Variants in AARS1 observed in about 807,000 individuals in gnomAD.
AARS1 encodes the protein alanine--tRNA ligase, cytoplasmic.
In AARS1, 72 loss-of-function variants were observed where a neutral mutation model predicts 108.9. The observed-to-expected ratio is 0.66, with a 90% CI of 0.55 to 0.80. The LOEUF (loss-of-function observed/expected upper bound fraction) is 0.80. AARS1 is among the 30% of genes least tolerant of loss of function. The probability of loss-of-function intolerance (pLI) is 0.00; values close to 1 mark genes in which losing one functional copy is unlikely to be tolerated. For missense variants in AARS1, 1,193 were observed against 1,233.2 expected, an observed-to-expected ratio of 0.97 and a Z score of 0.49; for synonymous variants, 489 against 465.7, an observed-to-expected ratio of 1.05 and a Z score of -0.64.
At chr16:70,261,296 A>C in intron 12 of AARS1, 139 bp from the exon 13 acceptor site, 5 of 591,928 alleles carry the variant, frequency 8.4e-6, no homozygotes, top group Non-Finnish European at 1.2e-5. Context: ...CCTTAATATC[A>C]TTAAATATGA....
intron 10 of AARS1, 101 bp downstream of exon 10, chr16:70,265,437 C>T: frequency 6.4e-7 from 1 of 1,574,066 alleles, no homozygotes; most frequent in Non-Finnish European, 8.7e-7. Context: ...GGAAAAAGCA[C>T]TTCAAAGACT....
Position 70,267,805 on chromosome 16 carries a change from T to C in AARS1, c.1076A>G (p.Asp359Gly), listed in dbSNP as rs1960298879. Residue 359 changes from aspartate to glycine, a missense_variant, in exon 9 of 21, where the codon GAT (aspartate) becomes GGT (glycine). Physicochemically the swap from Asp to Gly is moderately conservative, Grantham distance 94. Transcript: ENST00000261772. ...LVDVVVQSLGDAFPELKKDPD... is the reference protein window; with the variant it reads ...LVDVVVQSLGGAFPELKKDPD... Reference sequence around the variant, plus strand: ...GTCCTTCTTCAGCTCAGGAAATGCATCTCCCTGACAAAGGGGAAGCAAGAT... The same window carrying C: ...GTCCTTCTTCAGCTCAGGAAATGCACCTCCCTGACAAAGGGGAAGCAAGAT... 3.7e-6 allele frequency: 6 copies of C among 1,614,090 alleles called. No individual in the cohort carries two copies. The highest frequency in any genetic ancestry group is 4.2e-6 in the Non-Finnish European group (5 of 1,180,028).
chr16:70,256,354 G>A (rs576438510), intron 15 of AARS1, among the ~76,000 whole-genome samples: 2 of 152,224 alleles, frequency 1.3e-5, no homozygotes, highest in Admixed American at 1.3e-4. Context: ...GTTCAGGCTG[G>A]AGTGCAATGG....
At chr16:70,260,039 C>G (rs1228742342) in intron 13 of AARS1, among the ~76,000 whole-genome samples, 1 of 152,078 alleles carries the variant, frequency 6.6e-6, no homozygotes, top group Non-Finnish European at 1.5e-5. Context: ...CCCAAAGTGC[C>G]GGGATTACAG....
At chr16:70,276,453 T>C in intron 4 of AARS1, 33 bp downstream of exon 4, 2 of 1,612,422 alleles carry the variant, frequency 1.2e-6, no homozygotes, top group South Asian at 2.2e-5. Flanking sequence ...ATTTCACTCC[T>C]CCATACTCTC....
chr16:70,282,704 C>G lies in AARS1; in HGVS notation c.60G>C (p.Arg20Ser). The G allele has an allele frequency of 1.2e-6, 2 of 1,614,078 alleles. No individual in the cohort carries two copies. Among genetic ancestry groups the G allele is most frequent in the Non-Finnish European group, 1.7e-6 (2 of 1,180,012 alleles). The change falls in exon 2 of 21, where the codon AGG (arginine) becomes AGC (serine). Residue 20 changes from arginine (R) to serine (S), a missense_variant. By Grantham distance (110) the Arg-to-Ser change is moderately radical (BLOSUM62 -1). Coordinates refer to ENST00000261772, the MANE Select transcript of AARS1 (RefSeq NM_001605.3). ...IRQRFIDFFK[R>S]NEHTYVHSSA... ...ACGAGTGAACATACGTATGCTCGTTCCTCTTGAAGAAATCTATAAATCGCT... is the reference window on the plus strand; with the variant it reads ...ACGAGTGAACATACGTATGCTCGTTGCTCTTGAAGAAATCTATAAATCGCT...
At position 70,255,847 on chromosome 16, in the gene AARS1, G is replaced by A. The variant is rs760545411; in HGVS notation, c.2178-11C>T. 2 of 1,609,880 alleles carry A rather than the reference G, an allele frequency of 1.2e-6. No homozygotes were observed. The highest frequency in any genetic ancestry group is 3.4e-5 in the Admixed American group (2 of 59,340). On this transcript the variant is annotated splice_polypyrimidine_tract_variant and intron_variant, in intron 15 of 20. Coordinates refer to ENST00000261772, the MANE Select transcript of AARS1 (RefSeq NM_001605.3). ...GAGTTCCGCAGGTGCCTGAATGGCA[G>A]AACACAAAGTCCATAGTGAAAGAGG... is the stretch of plus-strand genomic sequence containing the variant.
Position 70,254,864 on chromosome 16 carries a change from G to C in AARS1, c.2287-130C>G, listed in dbSNP as rs1454237578. 5 of 685,862 alleles carry C rather than the reference G, an allele frequency of 7.3e-6. No homozygotes were observed. The East Asian group carries it at 1.4e-4, about 19-fold the overall frequency. The allele number at this position is 685,862 out of a possible 1,614,324, so 42.5% of individuals were successfully genotyped here. On this transcript the variant is annotated intron_variant, in intron 16 of 20. Transcript: ENST00000261772. ...ATACCCCAACACCCCAAAAGTGTCT[G>C]TGGGGAGTAGGTGCTGGCAGCCCCA...
intron 15 of AARS1, among the ~76,000 whole-genome samples, chr16:70,256,780 GCCTGCAGGAGA>G (rs1333438197): frequency 1.3e-5 from 2 of 152,030 alleles, no homozygotes; most frequent in African/African-American, 4.8e-5. Context: ...CCTGCCAGAG[GCCTGCAGGAGA>G]CCCTGGAGGG....
In AARS1 at chr16:70,252,637, G is replaced by T; in HGVS notation, c.*84C>A. On this transcript the variant is annotated 3_prime_UTR_variant, in exon 21 of 21. Coordinates refer to ENST00000261772, the MANE Select transcript of AARS1 (RefSeq NM_001605.3). ...CTGGGTTAGGAGGGGCTCTTTAAAG[G>T]TCCCAAGATTCAAATGTTCTTGTAG... 6.7e-7 allele frequency: 1 copy of T among 1,498,922 alleles called. No homozygotes were observed. Among genetic ancestry groups the T allele is most frequent in the Non-Finnish European group, 9.2e-7 (1 of 1,081,666 alleles). 92.9% of individuals were successfully genotyped at this position (1,498,922 alleles called of 1,614,324 possible).
At chr16:70,280,320 G>A (rs751326492) in intron 2 of AARS1, among the ~76,000 whole-genome samples, 2 of 151,762 alleles carry the variant, frequency 1.3e-5, no homozygotes, top group South Asian at 2.1e-4. Flanking sequence ...AGGTTCCAGC[G>A]ATTCTCCTGC....
intron 4 of AARS1, among the ~76,000 whole-genome samples, chr16:70,273,863 CAAAAAAAAAA>C (rs71385651): frequency 3.7e-5 from 2 of 54,262 alleles, no homozygotes; most frequent in African/African-American, 8.8e-5. Context: ...ACTCCGTCTC[CAAAAAAAAAA>C]AAAAAAAAAA....
At chr16:70,254,886 C>T in intron 16 of AARS1, 152 bp from the exon 17 acceptor site, 1 of 661,276 alleles carries the variant, frequency 1.5e-6, no homozygotes, top group South Asian at 1.6e-5. Context: ...TGCTGGCAGC[C>T]CCAGGCCCCA....
At position 70,271,708 on chromosome 16, in the gene AARS1, G is replaced by A. The variant is rs1393550344; in HGVS notation, c.671+73C>T. The A allele has an allele frequency of 5.5e-6, 8 of 1,443,868 alleles. No individual in the cohort carries two copies. In the East Asian group the frequency reaches 1.6e-4, roughly 29 times the overall value. The allele number at this position is 1,443,868 out of a possible 1,614,324, so 89.4% of individuals were successfully genotyped here. A position where few individuals can be genotyped will look rare whatever the true frequency, so the allele number is the denominator to read the frequency against. ...AGAAATGAGCTTTTAGCTGAGAAGA[G>A]AGCTACACAGCTCCGAGTTCCTCCT... On this transcript the variant is annotated intron_variant, in intron 5 of 20. Coordinates refer to ENST00000261772, the MANE Select transcript of AARS1 (RefSeq NM_001605.3).
chr16:70,271,984 G>C lies in AARS1; in HGVS notation c.480-12C>G, dbSNP rs199728312. On this transcript the variant is annotated splice_polypyrimidine_tract_variant and intron_variant, in intron 4 of 20. Coordinates refer to ENST00000261772, the MANE Select transcript of AARS1 (RefSeq NM_001605.3). Reference sequence around the variant, plus strand: ...TGGTGTCATCCAGCCTGACAAAGGAGTAAAGATAAGTCCAGTTACAGCCCC... The same window carrying C: ...TGGTGTCATCCAGCCTGACAAAGGACTAAAGATAAGTCCAGTTACAGCCCC... 51 of 1,613,010 alleles carry C rather than the reference G, an allele frequency of 3.2e-5. No homozygotes were observed. Among genetic ancestry groups the C allele is most frequent in the Non-Finnish European group, 3.4e-6 (4 of 1,179,194 alleles).
At chr16:70,275,595 T>C (rs1014041742) in intron 4 of AARS1, among the ~76,000 whole-genome samples, 1 of 151,894 alleles carries the variant, frequency 6.6e-6, no homozygotes, top group African/African-American at 2.4e-5. Flanking sequence ...ACCCCGTCTC[T>C]ACTAAAAAAT....
intron 10 of AARS1, 119 bp from the exon 11 acceptor site, chr16:70,265,221 G>C: frequency 7.7e-7 from 1 of 1,303,080 alleles, no homozygotes; most frequent in East Asian, 2.3e-5. Flanking sequence ...TTTCAATCCT[G>C]GCACTACTGA....
intron 12 of AARS1, among the ~76,000 whole-genome samples, chr16:70,261,860 G>C (rs1328695717): frequency 6.6e-6 from 1 of 151,848 alleles, no homozygotes; most frequent in South Asian, 2.1e-4. Flanking sequence ...GTAGAGACAG[G>C]GTTTCACCAT....
In AARS1 at chr16:70,269,764, C is replaced by T. The variant is rs866662905; in HGVS notation, c.817-1G>A. 1.4e-5 allele frequency: 23 copies of T among 1,613,954 alleles called. No individual in the cohort carries two copies. The highest frequency in any genetic ancestry group is 1.9e-5 in the Non-Finnish European group (23 of 1,180,032). On this transcript the variant is annotated splice_acceptor_variant, in intron 6 of 20. Transcript: ENST00000261772. LOFTEE classifies it high-confidence loss of function. Reference sequence around the variant, plus strand: ...CAGTGTATGGTCGGGCACCTGTGCCCTATAGATAAGAATCAGGAGGCAGCC... The same window carrying T: ...CAGTGTATGGTCGGGCACCTGTGCCTTATAGATAAGAATCAGGAGGCAGCC...
Sources: gnomAD v4.1 joint callset for allele counts (sites outside exome capture counted in the v4.1 genomes callset) on GRCh38, gnomAD v4.1.1 for gene constraint, MANE v1.5 for transcripts, NCBI Gene and HGNC (gene_info 2026-07-23, HGNC 2026-07-21) for gene names.